PVT1: variants seen among roughly 807,000 people sequenced by gnomAD.
PVT1 encodes the protein Pvt1 oncogene, also known as CXCR4/PVT1 fusion.
intron 2 of PVT1, among the ~76,000 whole-genome samples, chr8:127,821,743 C>T (rs1304644830): frequency 6.6e-6 from 1 of 151,548 alleles, no homozygotes; most frequent in African/African-American, 2.4e-5. Flanking sequence ...ATCCGGGAGG[C>T]GGAGCTTGCA....
intron 3 of PVT1, among the ~76,000 whole-genome samples, chr8:127,904,355 G>GGTTGGTACCAGGAGAGAGGAGGCAT (rs55897828): frequency 6.6e-6 from 1 of 151,584 alleles, no homozygotes; most frequent in Non-Finnish European, 1.5e-5. Context: ...CAGTTTTGCA[G>GGTTGGTACCAGGAGAGAGGAGGCAT]GTTGGTACCA....
chr8:127,794,529 G>C (rs908970625), upstream of PVT1: 3 of 151,226 alleles, frequency 2.0e-5, no homozygotes, highest in African/African-American at 7.3e-5. Flanking sequence ...CCAGCCCCGC[G>C]CTCCTCCGGG....
intron 3 of PVT1, among the ~76,000 whole-genome samples, chr8:127,937,548 GAC>G (rs35147410): frequency 0.17 from 20,629 of 122,210 alleles, 2,031 homozygotes; most frequent in Admixed American, 0.29. Context: ...TAGGGAAAAA[GAC>G]ACACACACAC....
At chr8:127,908,809 G>A (rs967673693) in intron 3 of PVT1, among the ~76,000 whole-genome samples, 4 of 152,094 alleles carry the variant, frequency 2.6e-5, no homozygotes, top group Non-Finnish European at 4.4e-5. Flanking sequence ...CTGAACTATC[G>A]TAGCAGTAGG....
chr8:127,989,679 A>T (rs1380818736), intron 4 of PVT1, among the ~76,000 whole-genome samples: 1 of 152,208 alleles, frequency 6.6e-6, no homozygotes, highest in Non-Finnish European at 1.5e-5. Context: ...TGGGACATCC[A>T]GAACATGAGC....
chr8:127,812,273 A>AGGAG (rs1814606538), intron 2 of PVT1, among the ~76,000 whole-genome samples: 1 of 150,754 alleles, frequency 6.6e-6, no homozygotes, highest in Non-Finnish European at 1.5e-5. Flanking sequence ...GCAGGAAGGA[A>AGGAG]GGAAGGAAGG....
chr8:128,013,338 A>C (rs915071589), intron 4 of PVT1, among the ~76,000 whole-genome samples: 3 of 152,014 alleles, frequency 2.0e-5, no homozygotes, highest in Admixed American at 2.0e-4. Flanking sequence ...TATCATTGTA[A>C]TAGCTGCATG....
At chr8:128,010,394 A>G (rs1203142026) in intron 4 of PVT1, 1 of 152,202 alleles carries the variant, frequency 6.6e-6, no homozygotes, top group African/African-American at 2.4e-5. Context: ...TTCTTCGCCA[A>G]ATTAAAGTTT....
chr8:127,965,957 G>A (rs1816699082), intron 3 of PVT1, among the ~76,000 whole-genome samples: 1 of 152,188 alleles, frequency 6.6e-6, no homozygotes, highest in Non-Finnish European at 1.5e-5. Context: ...TGCAGAATCA[G>A]GGATGGAAAA....
intron 5 of PVT1, among the ~76,000 whole-genome samples, chr8:128,091,554 G>T (rs761362371): frequency 7.2e-5 from 11 of 152,066 alleles, no homozygotes; most frequent in Non-Finnish European, 1.5e-4. Context: ...TTCTTCATTC[G>T]TGATAACTCT....
At chr8:128,045,442 C>A (rs936245720) in intron 4 of PVT1, among the ~76,000 whole-genome samples, 1 of 152,126 alleles carries the variant, frequency 6.6e-6, no homozygotes. Flanking sequence ...TAAGTCAGTT[C>A]TTATCTTTAT....
chr8:127,951,180 G>A (rs1816501459), intron 3 of PVT1, among the ~76,000 whole-genome samples: 1 of 152,226 alleles, frequency 6.6e-6, no homozygotes, highest in African/African-American at 2.4e-5. Context: ...ACAGGCGTGA[G>A]CCACCATACC....
intron 4 of PVT1, among the ~76,000 whole-genome samples, chr8:128,027,894 A>T (rs1586487713): frequency 6.6e-6 from 1 of 152,332 alleles, no homozygotes; most frequent in African/African-American, 2.4e-5. Flanking sequence ...GCCAAGGCAC[A>T]GCCTTCCCTG....
intron 4 of PVT1, among the ~76,000 whole-genome samples, chr8:127,990,420 A>G (rs1044825028): frequency 2.0e-5 from 3 of 152,228 alleles, no homozygotes; most frequent in Non-Finnish European, 4.4e-5. Flanking sequence ...GAGAGAGAAA[A>G]AGAGATAGAG....
intron 3 of PVT1, among the ~76,000 whole-genome samples, chr8:127,920,815 C>G (rs974565945): frequency 6.6e-6 from 1 of 152,134 alleles, no homozygotes; most frequent in Non-Finnish European, 1.5e-5. Context: ...AATTGTAAAA[C>G]CATAGTTTGT....
At chr8:128,000,108 C>CT (rs1471165059) in intron 4 of PVT1, among the ~76,000 whole-genome samples, 2 of 152,154 alleles carry the variant, frequency 1.3e-5, no homozygotes, top group African/African-American at 2.4e-5. Flanking sequence ...TCCTGCTTTC[C>CT]TTTCCCTCCC....
chr8:127,985,822 G>A (rs1336684900), intron 3 of PVT1, among the ~76,000 whole-genome samples: 2 of 152,196 alleles, frequency 1.3e-5, no homozygotes, highest in African/African-American at 4.8e-5. Context: ...GTGGGCGATG[G>A]TGTTTTGATG....
chr8:127,839,592 A>T lies in PVT1; in HGVS notation n.372+43521A>T, dbSNP rs190643400. 2.6e-5 allele frequency among the ~76,000 whole-genome samples: 4 copies of T among 151,044 alleles called. No individual in the cohort carries two copies. In the East Asian group the frequency reaches 7.7e-4, roughly 29 times the overall value. ...AAAAAATGAAAAAAAAAATAAAAAA[A>T]AATAAATAAAATAATTAAAAAAAGA... On this transcript the variant is annotated intron_variant and non_coding_transcript_variant, in intron 2 of 10. Transcript: ENST00000651587.
chr8:127,980,000 C>T (rs1816865181), intron 3 of PVT1, among the ~76,000 whole-genome samples: 1 of 144,226 alleles, frequency 6.9e-6, no homozygotes, highest in South Asian at 2.2e-4. Flanking sequence ...CCACCTCAGC[C>T]TCCCAAGTAG....
Sources: allele counts gnomAD v4.1 joint callset (sites outside exome capture counted in the v4.1 genomes callset), GRCh38; gene constraint gnomAD v4.1.1; transcripts MANE v1.5; gene names NCBI Gene and HGNC (gene_info 2026-07-23, HGNC 2026-07-21).